SUSD5: variants seen among roughly 807,000 people sequenced by gnomAD.
The protein encoded by SUSD5 is sushi domain containing 5, also known as sushi domain-containing protein 5.
SUSD5 carries 33 observed loss-of-function variants against 29.5 expected under a neutral mutation model. That is an observed-to-expected ratio of 1.12 (90% CI 0.85 to 1.49). The LOEUF (loss-of-function observed/expected upper bound fraction) is 1.49, where lower values mean the gene tolerates loss of function less well. SUSD5 is among the 40% of genes most tolerant of loss of function. The pLI, the probability that SUSD5 is intolerant of heterozygous loss-of-function variation, is 0.00. For synonymous variants in SUSD5, 308 were observed against 325.3 expected, an observed-to-expected ratio of 0.95 and a Z score of 0.57; for missense variants, 776 against 800.6, an observed-to-expected ratio of 0.97 and a Z score of 0.37.
At chr3:33,194,294 T>A (rs879920352) in intron 3 of SUSD5, among the ~76,000 whole-genome samples, 6 of 152,162 alleles carry the variant, frequency 3.9e-5, no homozygotes, top group African/African-American at 7.2e-5. Context: ...TGAGTAATAA[T>A]AAAACTCTGG....
At chr3:33,182,334 G>A (rs371255002) in intron 3 of SUSD5, among the ~76,000 whole-genome samples, 93 of 152,236 alleles carry the variant, frequency 6.1e-4, no homozygotes, top group African/African-American at 1.9e-3. Context: ...TGTGTTTTAC[G>A]GCCCAGGATG....
intron 4 of SUSD5, among the ~76,000 whole-genome samples, chr3:33,171,709 C>G (rs1298116181): frequency 6.6e-6 from 1 of 152,186 alleles, no homozygotes; most frequent in Non-Finnish European, 1.5e-5. Flanking sequence ...ATCCCCCACC[C>G]TCCACATACA....
intron 3 of SUSD5, among the ~76,000 whole-genome samples, chr3:33,199,190 T>A (rs1215885815): frequency 6.6e-6 from 1 of 151,524 alleles, no homozygotes; most frequent in Non-Finnish European, 1.5e-5. Flanking sequence ...CTCCTTCAGA[T>A]GTCTTTTTTT....
At chr3:33,180,733 G>A (rs1208205305) in intron 3 of SUSD5, among the ~76,000 whole-genome samples, 5 of 151,958 alleles carry the variant, frequency 3.3e-5, no homozygotes, top group South Asian at 2.1e-4. Context: ...TCAGTTACTC[G>A]GGAGGCTGAG....
At chr3:33,205,447 A>G (rs562793809) in intron 3 of SUSD5, among the ~76,000 whole-genome samples, 81 of 152,322 alleles carry the variant, frequency 5.3e-4, no homozygotes, top group African/African-American at 1.9e-3. Context: ...TGGAAGGAAT[A>G]TGCATAAAAA....
rs61744674 is a variant in SUSD5, at chr3:33,207,878, A to G, written c.339T>C (p.Ala113=). Residue 113 remains alanine, a synonymous_variant, in exon 3 of 5, where the codon GCT becomes GCC. Coordinates refer to ENST00000309558, the MANE Select transcript of SUSD5 (RefSeq NM_015551.2). ...GGTTGCTCTCAATTCTCACATCGAC[A>G]GCTCTCATGATTTGCTGTTCTCCAC... is the stretch of plus-strand genomic sequence containing the variant. ...KGSGEQQIMR[A]VDVRIESNPV... 1.2e-6 allele frequency: 2 copies of G among 1,613,826 alleles called. No individual in the cohort carries two copies. Among genetic ancestry groups the G allele is most frequent in the African/African-American group, 2.7e-5 (2 of 74,928 alleles).
At position 33,167,452 on chromosome 3, in the gene SUSD5, A is replaced by G. The variant is rs1416889608; in HGVS notation, c.598+7434T>C. On this transcript the variant is annotated intron_variant, in intron 4 of 4. Coordinates refer to ENST00000309558, the MANE Select transcript of SUSD5 (RefSeq NM_015551.2). This position sits in a 1 kb window ranked among gnomAD's most constrained non-coding sequence, Gnocchi z 4.1. ...CTGTGTATGCATGGATGTGCATGTG[A>G]TTGTGTGTGTATGTGTGTGTGTGTC... 1.3e-5 allele frequency among the ~76,000 whole-genome samples: 2 copies of G among 151,430 alleles called. No homozygotes were observed. The highest frequency in any genetic ancestry group is 1.5e-5 in the Non-Finnish European group (1 of 67,864).
chr3:33,168,012 G>A (rs1173031644), intron 4 of SUSD5, among the ~76,000 whole-genome samples: 5 of 152,150 alleles, frequency 3.3e-5, no homozygotes, highest in African/African-American at 1.2e-4. Context: ...GTCATTCACT[G>A]TGCATTTATA....
At chr3:33,191,777 C>A (rs563358147) in intron 3 of SUSD5, among the ~76,000 whole-genome samples, 192 of 152,098 alleles carry the variant, frequency 1.3e-3, no homozygotes, top group African/African-American at 4.5e-3. Flanking sequence ...GAGATCCCAT[C>A]TCAATTAAAA....
At position 33,167,403 on chromosome 3, in the gene SUSD5, G is replaced by A. The variant is rs1025438324; in HGVS notation, c.598+7483C>T. On this transcript the variant is annotated intron_variant, in intron 4 of 4. Transcript: ENST00000309558. The surrounding 1 kb of genome is among the most constrained non-coding windows in gnomAD (Gnocchi z 4.1). ...GTCTGAACTATGTGTGTTTGTTTGT[G>A]TGCATGCATGCGTGTGTGTGTGTCT... 2.0e-5 allele frequency among the ~76,000 whole-genome samples: 3 copies of A among 151,968 alleles called. No individual in the cohort carries two copies. Among genetic ancestry groups the A allele is most frequent in the Admixed American group, 6.5e-5 (1 of 15,268 alleles).
chr3:33,177,104 CTT>C (rs1158779390), intron 3 of SUSD5, among the ~76,000 whole-genome samples: 1 of 152,168 alleles, frequency 6.6e-6, no homozygotes, highest in Non-Finnish European at 1.5e-5. Flanking sequence ...AAACTACAGA[CTT>C]TGTTTGTTAA....
chr3:33,177,325 A>G (rs73047437), intron 3 of SUSD5, among the ~76,000 whole-genome samples: 23,272 of 152,230 alleles, frequency 0.15, 2,035 homozygotes, highest in South Asian at 0.28. Flanking sequence ...AAAAACTGAC[A>G]TCTTCACAAT....
At chr3:33,156,290 C>T (rs2031049876) in intron 4 of SUSD5, among the ~76,000 whole-genome samples, 1 of 152,120 alleles carries the variant, frequency 6.6e-6, no homozygotes, top group South Asian at 2.1e-4. Context: ...CCGCCCATCT[C>T]GGCCTCCCAA....
chr3:33,214,323 C>G (rs2032386254), intron 1 of SUSD5, among the ~76,000 whole-genome samples: 1 of 150,740 alleles, frequency 6.6e-6, no homozygotes, highest in Non-Finnish European at 1.5e-5. Flanking sequence ...TTCCCCACCC[C>G]ACCCGCCCAA....
Position 33,167,605 on chromosome 3 carries a change from A to C in SUSD5, c.598+7281T>G, listed in dbSNP as rs955714176. On this transcript the variant is annotated intron_variant, in intron 4 of 4. Transcript: ENST00000309558. The surrounding 1 kb of genome is among the most constrained non-coding windows in gnomAD (Gnocchi z 4.1). ...GTTCGCAGGTCAAGGTCCTGACTTA[A>C]AAACAGGTTGTCAGTATATCACAGT... Among the ~76,000 whole-genome samples the C allele has an allele frequency of 6.6e-6, 1 of 152,194 alleles. No homozygotes were observed. The highest frequency in any genetic ancestry group is 6.5e-5 in the Admixed American group (1 of 15,286).
chr3:33,179,022 GC>G (rs2031612301), intron 3 of SUSD5, among the ~76,000 whole-genome samples: 3 of 152,050 alleles, frequency 2.0e-5, no homozygotes. Flanking sequence ...CATAATGTCT[GC>G]CTTAAATGTT....
At chr3:33,206,323 G>A (rs183338913) in intron 3 of SUSD5, among the ~76,000 whole-genome samples, 97 of 151,328 alleles carry the variant, frequency 6.4e-4, no homozygotes, top group African/African-American at 2.1e-3. Context: ...GCAGTGAGCC[G>A]AGATCACACC....
intron 4 of SUSD5, chr3:33,168,624 C>T (rs2031356807): frequency 1.0e-6 from 1 of 975,996 alleles, no homozygotes; most frequent in South Asian, 4.7e-5. Flanking sequence ...ATGCAGATAT[C>T]AGGACAGGAT....
chr3:33,161,007 C>T (rs11919576), intron 4 of SUSD5, among the ~76,000 whole-genome samples: 1,542 of 151,966 alleles, frequency 0.01, 30 homozygotes, highest in African/African-American at 0.035. Context: ...CAATAAAAGC[C>T]GGAAGACAAT....
Sources: allele counts gnomAD v4.1 joint callset (sites outside exome capture counted in the v4.1 genomes callset), GRCh38; gene constraint gnomAD v4.1.1; non-coding constraint Gnocchi (gnomAD v3.1); transcripts MANE v1.5; gene names NCBI Gene and HGNC (gene_info 2026-07-23, HGNC 2026-07-21).